Variants in ACTR3C observed in about 807,000 individuals in gnomAD.
The protein encoded by ACTR3C is actin-related protein 3C.
In ACTR3C, 18 loss-of-function variants were observed where a neutral mutation model predicts 26.3. The ratio of observed to expected loss-of-function variants is 0.68; its 90% CI spans 0.47 to 1.01. ACTR3C has a LOEUF of 1.01. Ranked by LOEUF, ACTR3C falls within the 50% of genes least tolerant of loss-of-function variation. The pLI, the probability that ACTR3C is intolerant of heterozygous loss-of-function variation, is 0.00. For synonymous variants in ACTR3C, 55 were observed against 94.5 expected (o/e 0.58, Z 2.42); for missense variants, 184 against 250.7 (o/e 0.73, Z 1.80).
chr7:150,109,368 C>G, the ACTR3C span, among the ~76,000 whole-genome samples: 1 of 151,792 alleles, frequency 6.6e-6, no homozygotes, highest in Non-Finnish European at 1.5e-5. Flanking sequence ...TTTTTATATA[C>G]TAAAAATTAC....
At chr7:150,319,942 G>A (rs932050351) in intron 1 of ACTR3C, among the ~76,000 whole-genome samples, 3 of 152,234 alleles carry the variant, frequency 2.0e-5, no homozygotes, top group Admixed American at 6.5e-5. Context: ...TGGCTGCAGT[G>A]ACAAGTTTTG....
At chr7:150,314,337 T>C (rs939248903) in intron 1 of ACTR3C, among the ~76,000 whole-genome samples, 4 of 152,170 alleles carry the variant, frequency 2.6e-5, no homozygotes, top group African/African-American at 9.7e-5. Flanking sequence ...CCTTAGAAAA[T>C]GCATTTTTCC....
the ACTR3C span, among the ~76,000 whole-genome samples, chr7:150,043,045 A>G: frequency 6.6e-6 from 1 of 151,802 alleles, no homozygotes; most frequent in African/African-American, 2.4e-5. Context: ...TCCACAGTCT[A>G]CAAAACCCCA....
At chr7:150,039,004 G>C in the ACTR3C span, among the ~76,000 whole-genome samples, 42 of 50,768 alleles carry the variant, frequency 8.3e-4, 14 homozygotes, top group African/African-American at 2.3e-3. Flanking sequence ...AGAGCCGGGG[G>C]GCGGGGAAGA....
chr7:149,979,106 C>G, the ACTR3C span, among the ~76,000 whole-genome samples: 1 of 152,256 alleles, frequency 6.6e-6, no homozygotes, highest in Admixed American at 6.5e-5. Flanking sequence ...GTCCACACCA[C>G]TGGGCACATC....
At chr7:150,311,737 C>G (rs1446896341) in intron 1 of ACTR3C, among the ~76,000 whole-genome samples, 2 of 152,220 alleles carry the variant, frequency 1.3e-5, no homozygotes, top group Non-Finnish European at 2.9e-5. Context: ...AGCCAAATCT[C>G]GCCAGCTAAA....
chr7:150,040,362 C>T, the ACTR3C span, among the ~76,000 whole-genome samples: 2 of 148,150 alleles, frequency 1.3e-5, no homozygotes, highest in South Asian at 2.1e-4. Context: ...TTTGTCAGAT[C>T]GGGTAGCCCC....
At chr7:150,105,960 A>C in the ACTR3C span, among the ~76,000 whole-genome samples, 28 of 152,224 alleles carry the variant, frequency 1.8e-4, no homozygotes, top group Non-Finnish European at 2.5e-4. Flanking sequence ...AACTAAAAAA[A>C]ATTACTTCCC....
intron 3 of ACTR3C, among the ~76,000 whole-genome samples, chr7:150,291,173 G>A (rs571263510): frequency 2.0e-5 from 3 of 152,216 alleles, no homozygotes; most frequent in African/African-American, 4.8e-5. Context: ...GCTCACGCCT[G>A]TAATCCCAGC....
At chr7:150,261,435 G>A (rs1219431274) in intron 6 of ACTR3C, among the ~76,000 whole-genome samples, 3 of 152,152 alleles carry the variant, frequency 2.0e-5, no homozygotes. Flanking sequence ...TGACAAATTT[G>A]AGTCCATACA....
chr7:150,283,792 G>A (rs1240036392), intron 6 of ACTR3C, among the ~76,000 whole-genome samples: 2 of 150,660 alleles, frequency 1.3e-5, no homozygotes, highest in East Asian at 1.9e-4. Context: ...ACAATTCAGC[G>A]ACCTGAGTCT....
the ACTR3C span, among the ~76,000 whole-genome samples, chr7:150,137,276 G>T: frequency 1.3e-5 from 2 of 152,192 alleles, no homozygotes; most frequent in Non-Finnish European, 2.9e-5. Context: ...CTAAATACCA[G>T]CAAGACAACC....
chr7:150,043,149 AC>A, the ACTR3C span, among the ~76,000 whole-genome samples: 2 of 150,662 alleles, frequency 1.3e-5, no homozygotes, highest in Non-Finnish European at 3.0e-5. Context: ...CTGCGTTCGG[AC>A]CCATGTCTTA....
chr7:150,039,828 C>T, the ACTR3C span, among the ~76,000 whole-genome samples: 2 of 130,650 alleles, frequency 1.5e-5, no homozygotes, highest in South Asian at 2.4e-4. Flanking sequence ...GGGGTGCCTC[C>T]GCCCCCAGCG....
the ACTR3C span, among the ~76,000 whole-genome samples, chr7:149,934,103 T>C: frequency 1.3e-5 from 2 of 151,202 alleles, no homozygotes; most frequent in Non-Finnish European, 2.9e-5. Context: ...ACTAGCAAGT[T>C]CCACTCAATG....
At chr7:149,996,586 T>TAAATAAATAAAG in the ACTR3C span, among the ~76,000 whole-genome samples, 7 of 144,754 alleles carry the variant, frequency 4.8e-5, no homozygotes, top group South Asian at 1.6e-3. Context: ...GGTAAAAAAA[T>TAAATAAATAAAG]AAATAAATAA....
the ACTR3C span, among the ~76,000 whole-genome samples, chr7:149,898,718 TAATC>T: frequency 6.6e-6 from 1 of 151,294 alleles, no homozygotes; most frequent in Non-Finnish European, 1.5e-5. Flanking sequence ...AAAAAAATAA[TAATC>T]AAAAAGAATA....
At chr7:149,928,381 CTT>C in the ACTR3C span, among the ~76,000 whole-genome samples, 97 of 106,824 alleles carry the variant, frequency 9.1e-4, no homozygotes, top group Middle Eastern at 4.8e-3. Flanking sequence ...TTTTGTATTT[CTT>C]TTTTTTTTTT....
At chr7:150,039,534 G>C in the ACTR3C span, among the ~76,000 whole-genome samples, 3 of 89,576 alleles carry the variant, frequency 3.3e-5, no homozygotes, top group South Asian at 3.5e-4. Flanking sequence ...CTCCTGCGAT[G>C]GGGGTCCCCA....
Sources: gnomAD v4.1 joint callset for allele counts (sites outside exome capture counted in the v4.1 genomes callset) on GRCh38, gnomAD v4.1.1 for gene constraint, MANE v1.5 for transcripts, NCBI Gene and HGNC (gene_info 2026-07-23, HGNC 2026-07-21) for gene names.